Variants in SCRN1 observed in about 807,000 individuals in gnomAD.
The protein encoded by SCRN1 is secernin 1.
SCRN1 carries 19 observed loss-of-function variants against 43.3 expected under a neutral mutation model. The observed-to-expected ratio is 0.44, with a 90% CI of 0.31 to 0.64. SCRN1 has a LOEUF of 0.64. Ranked by LOEUF, SCRN1 falls within the 30% of genes least tolerant of loss-of-function variation. The pLI is 0.09. For missense variants in SCRN1, 447 were observed against 524.1 expected (o/e 0.85, Z 1.44); for synonymous variants, 183 against 188.9 (o/e 0.97, Z 0.26).
upstream of SCRN1, chr7:29,989,976 A>G: frequency 7.8e-7 from 1 of 1,289,860 alleles, no homozygotes; most frequent in African/African-American, 1.5e-5. Context: ...GAGCTGGAGG[A>G]GCGGCCGAGA....
chr7:29,988,440 C>T (rs1388686212), intron 1 of SCRN1, among the ~76,000 whole-genome samples: 2 of 152,202 alleles, frequency 1.3e-5, no homozygotes, highest in Admixed American at 6.5e-5. Flanking sequence ...ATCTAGCCAG[C>T]TCCAAGAATC....
chr7:29,936,310 G>A (rs766043094), intron 6 of SCRN1, among the ~76,000 whole-genome samples: 2 of 151,960 alleles, frequency 1.3e-5, no homozygotes, highest in Non-Finnish European at 2.9e-5. Flanking sequence ...AATTACTTTC[G>A]CACCAACCTA....
intron 1 of SCRN1, among the ~76,000 whole-genome samples, chr7:29,984,864 A>G (rs1461540531): frequency 7.1e-6 from 1 of 140,480 alleles, no homozygotes; most frequent in Admixed American, 7.1e-5. Context: ...GGTTGCAGTG[A>G]GCCGAGATAG....
chr7:29,962,535 A>C (rs1366047723), intron 2 of SCRN1, among the ~76,000 whole-genome samples: 1 of 152,010 alleles, frequency 6.6e-6, no homozygotes, highest in Non-Finnish European at 1.5e-5. Context: ...CAAAAATACG[A>C]AAATTAGCCG....
chr7:29,948,760 A>G (rs768976648), intron 3 of SCRN1, among the ~76,000 whole-genome samples: 3 of 152,224 alleles, frequency 2.0e-5, no homozygotes, highest in Non-Finnish European at 2.9e-5. Context: ...GCCAGCTGCT[A>G]CCAGCTTGGA....
intron 2 of SCRN1, among the ~76,000 whole-genome samples, chr7:29,968,231 T>C (rs1027615484): frequency 2.6e-5 from 4 of 152,140 alleles, no homozygotes; most frequent in African/African-American, 9.7e-5. Context: ...AATCCAAATG[T>C]CCAGCAGTAA....
chr7:29,920,652 G>A lies in SCRN1; in HGVS notation c.*3305C>T, dbSNP rs1348790286. On this transcript the variant is annotated 3_prime_UTR_variant, in exon 8 of 8. Transcript: ENST00000242059. Reference sequence around the variant, plus strand: ...CCAATAAATGACAGATGGCTCTTCAGTCAGGAATGCAGTTAGTGGTTTCAT... The same window carrying A: ...CCAATAAATGACAGATGGCTCTTCAATCAGGAATGCAGTTAGTGGTTTCAT... The A allele has an allele frequency of 6.6e-6, 1 of 152,246 alleles. No individual in the cohort carries two copies. Among genetic ancestry groups the A allele is most frequent in the African/African-American group, 2.4e-5 (1 of 41,442 alleles). The allele number at this position is 152,246 out of a possible 1,614,324, so 9.4% of individuals were successfully genotyped here.
intron 2 of SCRN1, among the ~76,000 whole-genome samples, chr7:29,966,416 C>A (rs1788500201): frequency 6.6e-6 from 1 of 152,156 alleles, no homozygotes; most frequent in South Asian, 2.1e-4. Context: ...GAACTTAAAT[C>A]TGCCCATGTA....
chr7:29,942,981 C>A (rs1202164222), intron 4 of SCRN1, among the ~76,000 whole-genome samples: 1 of 152,160 alleles, frequency 6.6e-6, no homozygotes, highest in Non-Finnish European at 1.5e-5. Context: ...GGTAGATCTT[C>A]CGCTTCTAAC....
intron 1 of SCRN1, among the ~76,000 whole-genome samples, chr7:29,983,216 T>C (rs974402170): frequency 2.7e-5 from 4 of 149,564 alleles, no homozygotes; most frequent in Non-Finnish European, 4.4e-5. Context: ...ACAGGGATTC[T>C]GCCATTTTAT....
chr7:29,926,728 A>T, intron 6 of SCRN1, 96 bp from the exon 7 acceptor site: 1 of 1,048,330 alleles, frequency 9.5e-7, no homozygotes, highest in Non-Finnish European at 1.4e-6. Flanking sequence ...TCCCAAGCCA[A>T]CTTATGGTGG....
chr7:29,927,070 GT>G (rs886076874), intron 6 of SCRN1, among the ~76,000 whole-genome samples: 4 of 151,234 alleles, frequency 2.6e-5, no homozygotes, highest in African/African-American at 9.7e-5. Flanking sequence ...TTTGTTTTTA[GT>G]TTTTTTCTGA....
rs182417310 is a variant in SCRN1, at chr7:29,948,885, G to A, written c.342-4706C>T. ...GAAATTGAAAAAGGACTCAAACAGC[G>A]CTGCCCCTTCCCTCCACCAGGCTGG... On this transcript the variant is annotated intron_variant, in intron 3 of 7. Coordinates refer to ENST00000242059, the MANE Select transcript of SCRN1 (RefSeq NM_014766.5). 3.1e-3 allele frequency among the ~76,000 whole-genome samples: 472 copies of A among 152,210 alleles called. 5 individuals are homozygous for A. The highest frequency in any genetic ancestry group is 0.011 in the African/African-American group (449 of 41,538).
At chr7:29,990,016 C>T (rs1043540509), upstream of SCRN1, 2 of 1,457,030 alleles carry the variant, frequency 1.4e-6, no homozygotes, top group Non-Finnish European at 1.8e-6. Flanking sequence ...AAGTGGCCCC[C>T]TCTTTGCTAG....
Position 29,947,186 on chromosome 7 carries a change from C to T in SCRN1, c.342-3007G>A, listed in dbSNP as rs570703533. 11 of 1,549,754 alleles carry T rather than the reference C, an allele frequency of 7.1e-6. No individual in the cohort carries two copies. In the African/African-American group the frequency reaches 1.5e-4, roughly 21 times the overall value. On this transcript the variant is annotated intron_variant, in intron 3 of 7. Coordinates refer to ENST00000242059, the MANE Select transcript of SCRN1 (RefSeq NM_014766.5). ...CTTCCAAAGTGTGTGCTTTGTCCAGCTTGCTCTGGGCCTGGGAATTAGATG... is the reference window on the plus strand; with the variant it reads ...CTTCCAAAGTGTGTGCTTTGTCCAGTTTGCTCTGGGCCTGGGAATTAGATG...
chr7:29,963,287 G>C (rs1284611137), intron 2 of SCRN1, among the ~76,000 whole-genome samples: 1 of 152,102 alleles, frequency 6.6e-6, no homozygotes, highest in East Asian at 1.9e-4. Context: ...CATCCTCCTA[G>C]TTTCAGGTGG....
rs151110130 is a variant in SCRN1 at position 29,954,949 on chromosome 7, G to A, written c.341+230C>T. On this transcript the variant is annotated intron_variant, in intron 3 of 7. Coordinates refer to ENST00000242059, the MANE Select transcript of SCRN1 (RefSeq NM_014766.5). ...ACCTGCCTCGGCCTCCCAAAGTGCTGGGATTACAGGCATGAGCCACCATGC... is the reference window on the plus strand; with the variant it reads ...ACCTGCCTCGGCCTCCCAAAGTGCTAGGATTACAGGCATGAGCCACCATGC... Among the ~76,000 whole-genome samples, 1,124 of 152,198 alleles carry A rather than the reference G, an allele frequency of 7.4e-3. 18 individuals carry two copies. Among genetic ancestry groups the A allele is most frequent in the African/African-American group, 0.025 (1,048 of 41,510 alleles).
At chr7:29,929,942 G>C (rs960416126) in intron 6 of SCRN1, among the ~76,000 whole-genome samples, 14 of 152,174 alleles carry the variant, frequency 9.2e-5, no homozygotes, top group Non-Finnish European at 1.8e-4. Flanking sequence ...TAATCAATGA[G>C]GGTGTCTGGT....
chr7:29,930,611 A>C (rs1353674463), intron 6 of SCRN1, among the ~76,000 whole-genome samples: 1 of 152,152 alleles, frequency 6.6e-6, no homozygotes, highest in African/African-American at 2.4e-5. Context: ...GACGCCCCCG[A>C]GTGTCCCGTG....
Sources: gnomAD v4.1 joint callset for allele counts (sites outside exome capture counted in the v4.1 genomes callset) on GRCh38, gnomAD v4.1.1 for gene constraint, MANE v1.5 for transcripts, NCBI Gene and HGNC (gene_info 2026-07-23, HGNC 2026-07-21) for gene names.